Variants in ABHD12 observed in about 807,000 individuals in gnomAD.
The protein encoded by ABHD12 is lysophosphatidylserine lipase ABHD12.
In ABHD12, 43 loss-of-function variants were observed where a neutral mutation model predicts 58.3. That is an observed-to-expected ratio of 0.74 (90% confidence interval 0.58 to 0.95). The LOEUF is 0.95. ABHD12 is among the 40% of genes least tolerant of loss of function. ABHD12 has a pLI of 0.00. For synonymous variants in ABHD12, 219 were observed against 211.2 expected (o/e 1.04, Z -0.32); for missense variants, 539 against 537.2 (o/e 1.00, Z -0.03).
chr20:25,390,440 C>A (rs571074138), intron 1 of ABHD12, 73 bp downstream of exon 1: 130 of 1,319,210 alleles, frequency 9.9e-5, no homozygotes, highest in Middle Eastern at 2.8e-4. Context: ...GGTACCGCGG[C>A]CCCCTGCGGG....
intron 1 of ABHD12, among the ~76,000 whole-genome samples, chr20:25,388,220 G>C (rs1228561040): frequency 6.6e-6 from 1 of 152,108 alleles, no homozygotes; most frequent in African/African-American, 2.4e-5. Flanking sequence ...AAAATGTGCG[G>C]AAGGATCCAA....
At chr20:25,317,955 G>C (rs1193488240) in intron 4 of ABHD12, among the ~76,000 whole-genome samples, 1 of 152,214 alleles carries the variant, frequency 6.6e-6, no homozygotes, top group Non-Finnish European at 1.5e-5. Context: ...TTTCAGGTAT[G>C]GGGGCGGGAG....
chr20:25,373,196 T>C (rs914844597), intron 1 of ABHD12, among the ~76,000 whole-genome samples: 1 of 152,180 alleles, frequency 6.6e-6, no homozygotes, highest in Admixed American at 6.5e-5. Context: ...GTGTACCTGT[T>C]ATTGAGTGAC....
At position 25,308,407 on chromosome 20, in the gene ABHD12, G is replaced by C. The variant is rs749139796; in HGVS notation, c.787+50C>G. On this transcript the variant is annotated intron_variant, in intron 8 of 12. Coordinates refer to ENST00000339157, the MANE Select transcript of ABHD12 (RefSeq NM_001042472.3). ...CACTTGCAGCAGGGCCGGGACTGGG[G>C]AGCACCCTGAATGCTCACTGCCACG... 1.9e-6 allele frequency: 3 copies of C among 1,597,994 alleles called. No individual in the cohort carries two copies. The Admixed American group carries it at 5.1e-5, about 27-fold the overall frequency.
In ABHD12 at chr20:25,363,923, A is replaced by T. The variant is rs1056483855; in HGVS notation, c.192-24572T>A. 3.9e-5 allele frequency among the ~76,000 whole-genome samples: 6 copies of T among 152,334 alleles called. No homozygotes were observed. In the South Asian group the frequency reaches 1.2e-3, roughly 32 times the overall value. ...AATGCAGTATGTGGGCAACTTATCA[A>T]TGAAGAATTAGAAATGAAGGTGCAA... is the stretch of plus-strand genomic sequence containing the variant. On this transcript the variant is annotated intron_variant, in intron 1 of 12. Transcript: ENST00000339157.
Position 25,317,043 on chromosome 20 carries a change from C to G in ABHD12, c.573+5G>C. The G allele has an allele frequency of 6.2e-7, 1 of 1,612,962 alleles. No individual in the cohort carries two copies. The highest frequency in any genetic ancestry group is 8.5e-7 in the Non-Finnish European group (1 of 1,179,512). On this transcript the variant is annotated splice_donor_5th_base_variant and intron_variant, in intron 5 of 12. Transcript: ENST00000339157. Reference sequence around the variant, plus strand: ...GGAACAGGTGTGGGTGCTGCCTGCACTCACCTTGTAAAGCTCCACGCGGTG... The same window carrying G: ...GGAACAGGTGTGGGTGCTGCCTGCAGTCACCTTGTAAAGCTCCACGCGGTG...
chr20:25,335,399 G>C (rs374839143), intron 2 of ABHD12, among the ~76,000 whole-genome samples: 14 of 149,016 alleles, frequency 9.4e-5, no homozygotes, highest in South Asian at 4.4e-4. Context: ...GTCAGTGTGG[G>C]GATTCCTCAG....
At chr20:25,342,898 C>T (rs573889492) in intron 1 of ABHD12, among the ~76,000 whole-genome samples, 20 of 152,030 alleles carry the variant, frequency 1.3e-4, no homozygotes, top group South Asian at 2.1e-4. Flanking sequence ...CTCAAGTGAT[C>T]CTCCCACCTG....
downstream of ABHD12, chr20:25,296,341 AG>A (rs766389771): frequency 2.5e-5 from 40 of 1,613,286 alleles, no homozygotes; most frequent in Non-Finnish European, 3.4e-5. Flanking sequence ...CTGTGACGCC[AG>A]AGACTAATTT....
chr20:25,390,651 G>C lies in ABHD12; in HGVS notation c.53C>G (p.Ala18Gly), dbSNP rs1014645080. ...VALEHERCAAAGSSSSGSAAA... is the reference protein window; with the variant it reads ...VALEHERCAAGGSSSSGSAAA... ...GGCCGAGCCGGAGGAGGACGAGCCC[G>C]CGGCGGCGCAGCGCTCATGCTCCAA... Residue 18 changes from alanine (A) to glycine (G), a missense_variant, in exon 1 of 13, where the codon GCG (alanine) becomes GGG (glycine). Physicochemically the swap from Ala to Gly is moderately conservative, Grantham distance 60. Coordinates refer to ENST00000339157, the MANE Select transcript of ABHD12 (RefSeq NM_001042472.3). 7.0e-5 allele frequency: 101 copies of C among 1,443,946 alleles called. No individual in the cohort carries two copies. The highest frequency in any genetic ancestry group is 8.8e-5 in the Non-Finnish European group (97 of 1,102,684). 89.4% of individuals were successfully genotyped at this position (1,443,946 alleles called of 1,614,324 possible).
Position 25,390,665 on chromosome 20 carries a change from C to T in ABHD12, c.39G>A (p.Glu13=). The change falls in exon 1 of 13, where the codon GAG becomes GAA. Residue 13 remains glutamate, a synonymous_variant. Coordinates refer to ENST00000339157, the MANE Select transcript of ABHD12 (RefSeq NM_001042472.3). ...KRTEPVALEH[E]RCAAAGSSSS... is the part of the protein sequence containing the mutation. ...AGGACGAGCCCGCGGCGGCGCAGCG[C>T]TCATGCTCCAAGGCGACGGGCTCGG... 1.4e-6 allele frequency: 2 copies of T among 1,436,998 alleles called. No individual in the cohort carries two copies. Among genetic ancestry groups the T allele is most frequent in the Non-Finnish European group, 1.8e-6 (2 of 1,098,300 alleles). The allele number at this position is 1,436,998 out of a possible 1,614,324, so 89.0% of individuals were successfully genotyped here.
chr20:25,309,600 G>C (rs765347558), intron 6 of ABHD12, 25 bp from the exon 7 acceptor site: 1 of 1,613,612 alleles, frequency 6.2e-7, no homozygotes, highest in Non-Finnish European at 8.5e-7. Flanking sequence ...CGGCAGGACG[G>C]GGAGGTCAAA....
chr20:25,326,675 A>T (rs1302756910), intron 2 of ABHD12, among the ~76,000 whole-genome samples: 1 of 152,218 alleles, frequency 6.6e-6, no homozygotes, highest in African/African-American at 2.4e-5. Context: ...TTTGCAAACA[A>T]ATCAGTCCTA....
chr20:25,330,740 T>G (rs370287246), intron 2 of ABHD12, among the ~76,000 whole-genome samples: 2 of 152,198 alleles, frequency 1.3e-5, no homozygotes, highest in South Asian at 2.1e-4. Context: ...CCAACAGACC[T>G]GCAGCTGAGG....
At chr20:25,309,842 C>A (rs989275175) in intron 6 of ABHD12, among the ~76,000 whole-genome samples, 1 of 152,220 alleles carries the variant, frequency 6.6e-6, no homozygotes. Flanking sequence ...ACCAGACATC[C>A]CCTCACAGGG....
chr20:25,301,866 A>G (rs995072730), intron 12 of ABHD12, among the ~76,000 whole-genome samples: 1 of 152,254 alleles, frequency 6.6e-6, no homozygotes, highest in Non-Finnish European at 1.5e-5. Context: ...GGAGCTGTGT[A>G]CGTCTTGAGA....
Position 25,387,589 on chromosome 20 carries a change from T to TAAAAAAAAAAAAAA in ABHD12, c.191+2923_191+2924insTTTTTTTTTTTTTT, listed in dbSNP as rs779293077. On this transcript the variant is annotated intron_variant, in intron 1 of 12. Transcript: ENST00000339157. ...GCAACATAGTGAGACTTCATCTCTA[T>TAAAAAAAAAAAAAA]TAAAAAAAAAAAAAAAAAATTAACC... Among the ~76,000 whole-genome samples the TAAAAAAAAAAAAAA allele has an allele frequency of 9.4e-5, 8 of 85,212 alleles. 1 individual carries two copies. Among genetic ancestry groups the TAAAAAAAAAAAAAA allele is most frequent in the Middle Eastern group, 7.8e-3 (1 of 128 alleles). 55.9% of individuals were successfully genotyped at this position (85,212 alleles called of 152,430 possible).
At chr20:25,371,844 C>G (rs1208767255) in intron 1 of ABHD12, among the ~76,000 whole-genome samples, 1 of 152,206 alleles carries the variant, frequency 6.6e-6, no homozygotes, top group African/African-American at 2.4e-5. Context: ...GCCACAGTGC[C>G]TGGTCCCCTA....
chr20:25,302,162 T>C (rs890128966), intron 12 of ABHD12, 57 bp downstream of exon 12: 1 of 1,610,400 alleles, frequency 6.2e-7, no homozygotes, highest in Non-Finnish European at 8.5e-7. Flanking sequence ...TGCTGCACGT[T>C]AGGTGTGAGC....
Sources: gnomAD v4.1 joint callset for allele counts (sites outside exome capture counted in the v4.1 genomes callset) on GRCh38, gnomAD v4.1.1 for gene constraint, MANE v1.5 for transcripts, NCBI Gene and HGNC (gene_info 2026-07-23, HGNC 2026-07-21) for gene names.